IBTK: variants seen among roughly 807,000 people sequenced by gnomAD.
IBTK encodes BTK-binding protein.
IBTK carries 83 observed loss-of-function variants against 154.9 expected under a neutral mutation model. That is an observed-to-expected ratio of 0.54 (90% confidence interval 0.45 to 0.64). The LOEUF is 0.64. IBTK is among the 30% of genes least tolerant of loss of function. The probability of loss-of-function intolerance (pLI) is 0.00; values close to 1 mark genes in which losing one functional copy is unlikely to be tolerated. For missense variants in IBTK, 1,332 were observed against 1,584.6 expected (o/e 0.84, Z 2.71); for synonymous variants, 515 against 536.1 (o/e 0.96, Z 0.54).
intron 26 of IBTK, 49 bp from the exon 27 acceptor site, chr6:82,173,487 G>A: frequency 6.9e-7 from 1 of 1,451,404 alleles, no homozygotes; most frequent in Non-Finnish European, 9.7e-7. Context: ...AGTAATATTA[G>A]TCAAACTGCT....
chr6:82,190,712 GTATT>G lies in IBTK; in HGVS notation c.3575+357_3575+360del, dbSNP rs370679630. ...AGTTTTCTTTTTATATGTGTCTGAT[GTATT>G]TAATTTCTTATAAAAAATAAAAATA... On this transcript the variant is annotated intron_variant, in intron 25 of 28. Transcript: ENST00000306270. 6.7e-3 allele frequency among the ~76,000 whole-genome samples: 1,001 copies of G among 150,394 alleles called. 9 individuals are homozygous for G. Among genetic ancestry groups the G allele is most frequent in the African/African-American group, 0.023 (938 of 40,890 alleles).
At chr6:82,228,843 G>C (rs954757983) in intron 4 of IBTK, among the ~76,000 whole-genome samples, 5 of 151,854 alleles carry the variant, frequency 3.3e-5, no homozygotes, top group African/African-American at 1.2e-4. Flanking sequence ...GGATGGTCTC[G>C]ATCTCCTGAC....
chr6:82,241,868 G>T (rs564536621), intron 1 of IBTK, among the ~76,000 whole-genome samples: 8 of 152,260 alleles, frequency 5.3e-5, no homozygotes, highest in African/African-American at 1.9e-4. Flanking sequence ...ATATGTATAG[G>T]GAAAGCTTCT....
In IBTK at chr6:82,223,865, G is replaced by C. The variant is rs893247703; in HGVS notation, c.943+203C>G. On this transcript the variant is annotated intron_variant, in intron 7 of 28. Transcript: ENST00000306270. ...TTCGGGGGGCTGAGATGGGAGGATC[G>C]TTTGAGCCCAGGAAGTCAAGGTTTC... Among the ~76,000 whole-genome samples, 11 of 152,128 alleles carry C rather than the reference G, an allele frequency of 7.2e-5. No individual in the cohort carries two copies. In the East Asian group the frequency reaches 2.1e-3, roughly 29 times the overall value.
chr6:82,171,601 A>G (rs746932197), intron 28 of IBTK, 45 bp from the exon 29 acceptor site: 5 of 1,517,356 alleles, frequency 3.3e-6, no homozygotes, highest in Non-Finnish European at 4.5e-6. Flanking sequence ...TTTTAATTAT[A>G]AACTAAGCAG....
Position 82,194,519 on chromosome 6 carries a change from C to T in IBTK, c.3298G>A (p.Asp1100Asn), listed in dbSNP as rs146529616. The change falls in exon 23 of 29, where the codon GAT becomes AAT. Residue 1100 changes from aspartate (D) to asparagine (N), a missense_variant. Physicochemically the swap from Asp to Asn is conservative, Grantham distance 23. Around this residue, in one of 3 missense-constraint regions of IBTK, gnomAD observed 1,134 missense variants for 1,274.7 expected, o/e 0.89. Coordinates refer to ENST00000306270, the MANE Select transcript of IBTK (RefSeq NM_015525.4). ...APQPIPSNRI[D>N]TTSSASWVAG... Reference sequence around the variant, plus strand: ...ACCCAACTGGCAGAGCTGGTAGTATCAATTCTGTTACTGGGAATAGGCTGT... The same window carrying T: ...ACCCAACTGGCAGAGCTGGTAGTATTAATTCTGTTACTGGGAATAGGCTGT... 2.4e-5 allele frequency: 38 copies of T among 1,603,082 alleles called. No individual in the cohort carries two copies. Among genetic ancestry groups the T allele is most frequent in the Non-Finnish European group, 3.2e-5 (38 of 1,174,490 alleles).
intron 21 of IBTK, 33 bp from the exon 22 acceptor site, chr6:82,196,479 T>C: frequency 6.7e-7 from 1 of 1,485,656 alleles, no homozygotes; most frequent in Non-Finnish European, 9.2e-7. Context: ...ATTAAACACA[T>C]ATGCATTAAA....
At chr6:82,232,062 G>GTT (rs11373105) in intron 3 of IBTK, among the ~76,000 whole-genome samples, 26 of 148,122 alleles carry the variant, frequency 1.8e-4, no homozygotes, top group African/African-American at 3.2e-4. Flanking sequence ...TTTTGTTGTT[G>GTT]TTTTTTTTTA....
At chr6:82,184,640 T>G (rs117915593) in intron 25 of IBTK, among the ~76,000 whole-genome samples, 1,851 of 152,278 alleles carry the variant, frequency 0.012, 20 homozygotes, top group Non-Finnish European at 0.019. Flanking sequence ...CACACCTAAC[T>G]GTCAGCAGCA....
At chr6:82,233,485 T>A (rs1223213319) in intron 3 of IBTK, among the ~76,000 whole-genome samples, 3 of 152,196 alleles carry the variant, frequency 2.0e-5, no homozygotes, top group Non-Finnish European at 4.4e-5. Context: ...ATAACAGTCC[T>A]CCCATTTTAG....
At chr6:82,216,697 T>C (rs1328253531) in intron 10 of IBTK, among the ~76,000 whole-genome samples, 2 of 152,192 alleles carry the variant, frequency 1.3e-5, no homozygotes, top group African/African-American at 4.8e-5. Context: ...CTTTCTTGCA[T>C]GTATTCAGAA....
chr6:82,189,684 C>A (rs775000987), intron 25 of IBTK, among the ~76,000 whole-genome samples: 15 of 152,104 alleles, frequency 9.9e-5, no homozygotes, highest in Non-Finnish European at 2.9e-5. Context: ...CAAAAGAGCA[C>A]AGGACTCTAA....
intron 7 of IBTK, 123 bp downstream of exon 7, chr6:82,223,945 T>G: frequency 1.5e-6 from 1 of 668,272 alleles, no homozygotes; most frequent in South Asian, 2.0e-5. Context: ...TGAGACTTTG[T>G]CTCAAACAAA....
chr6:82,245,049 T>C (rs1771094083), intron 1 of IBTK, among the ~76,000 whole-genome samples: 1 of 152,222 alleles, frequency 6.6e-6, no homozygotes, highest in Admixed American at 6.5e-5. Context: ...ATGTACTAAC[T>C]GAACAAAACT....
chr6:82,180,150 T>C (rs1768265722), intron 26 of IBTK, among the ~76,000 whole-genome samples: 1 of 152,226 alleles, frequency 6.6e-6, no homozygotes, highest in Non-Finnish European at 1.5e-5. Context: ...AGTTTTATAT[T>C]TATAAGCCTA....
chr6:82,225,328 TAATA>T (rs1001146609), intron 6 of IBTK, 145 bp downstream of exon 6: 2 of 297,724 alleles, frequency 6.7e-6, no homozygotes, highest in Non-Finnish European at 5.8e-6. Context: ...ATAATAATAA[TAATA>T]AATAATAAAG....
At chr6:82,177,275 T>A (rs1421222240) in intron 26 of IBTK, among the ~76,000 whole-genome samples, 1 of 152,154 alleles carries the variant, frequency 6.6e-6, no homozygotes, top group African/African-American at 2.4e-5. Context: ...GGTGACGTGA[T>A]CCTGGCTCAC....
At chr6:82,226,792 G>T (rs1770314738) in intron 5 of IBTK, among the ~76,000 whole-genome samples, 1 of 152,038 alleles carries the variant, frequency 6.6e-6, no homozygotes, top group African/African-American at 2.4e-5. Flanking sequence ...TTTTAATAGA[G>T]ACAGGGTTTC....
chr6:82,231,657 C>A, intron 4 of IBTK, 61 bp downstream of exon 4: 1 of 1,304,036 alleles, frequency 7.7e-7, no homozygotes, highest in Non-Finnish European at 1.0e-6. Flanking sequence ...AAAAGCTGAA[C>A]AATCAAATAC....
Sources: gnomAD v4.1 joint callset for allele counts (sites outside exome capture counted in the v4.1 genomes callset) on GRCh38, gnomAD v4.1.1 for gene constraint, gnomAD v4.1.1 regional missense constraint, MANE v1.5 for transcripts, NCBI Gene and HGNC (gene_info 2026-07-23, HGNC 2026-07-21) for gene names.